BCL2: variants seen among roughly 807,000 people sequenced by gnomAD.
BCL2 encodes the protein BCL2 apoptosis regulator.
In BCL2, 1 loss-of-function variant was observed where a neutral mutation model predicts 14.2. The observed-to-expected ratio is 0.07, with a 90% CI of 0.02 to 0.33. The LOEUF (loss-of-function observed/expected upper bound fraction) is 0.33, where lower values mean the gene tolerates loss of function less well. Among genes scored for constraint, BCL2 ranks in the 10% least tolerant of loss-of-function variants. The pLI, the probability that BCL2 is intolerant of heterozygous loss-of-function variation, is 0.99. For missense variants in BCL2, 247 were observed against 305.9 expected (o/e 0.81, Z 1.44); for synonymous variants, 151 against 137.2 (o/e 1.10, Z -0.70).
chr18:63,252,669 C>T (rs757583557), intron 2 of BCL2, among the ~76,000 whole-genome samples: 31 of 152,334 alleles, frequency 2.0e-4, no homozygotes, highest in African/African-American at 3.8e-4. Flanking sequence ...TTGTCTGCCA[C>T]GTGAGATGTG....
intron 2 of BCL2, among the ~76,000 whole-genome samples, chr18:63,284,322 G>C (rs947374478): frequency 7.2e-5 from 11 of 152,144 alleles, no homozygotes; most frequent in Non-Finnish European, 1.5e-4. Flanking sequence ...CCACTAAGAA[G>C]TCTAAGAATA....
intron 2 of BCL2, among the ~76,000 whole-genome samples, chr18:63,274,442 G>A (rs903946549): frequency 2.0e-5 from 3 of 151,644 alleles, no homozygotes; most frequent in African/African-American, 7.3e-5. Context: ...CCGCTACCAT[G>A]CCCGGGTAAT....
At chr18:63,138,792 CA>C (rs1914278345) in intron 2 of BCL2, among the ~76,000 whole-genome samples, 1 of 152,198 alleles carries the variant, frequency 6.6e-6, no homozygotes. Context: ...AAAACAAAAA[CA>C]AAACTTGCCC....
intron 2 of BCL2, among the ~76,000 whole-genome samples, chr18:63,211,425 C>T (rs755292967): frequency 2.0e-5 from 3 of 152,174 alleles, no homozygotes; most frequent in Non-Finnish European, 4.4e-5. Flanking sequence ...CTTGTTTTCT[C>T]TCGACTCAAA....
chr18:63,266,283 G>C (rs992473606), intron 2 of BCL2, among the ~76,000 whole-genome samples: 6 of 151,554 alleles, frequency 4.0e-5, no homozygotes, highest in African/African-American at 1.5e-4. Context: ...CAAGCCCCAA[G>C]GTATACTGTT....
chr18:63,228,586 TACTG>T (rs1910608041), intron 2 of BCL2, among the ~76,000 whole-genome samples: 1 of 152,262 alleles, frequency 6.6e-6, no homozygotes, highest in Non-Finnish European at 1.5e-5. Flanking sequence ...ATTTGTTCAC[TACTG>T]TATCTCCAGT....
chr18:63,173,976 C>T (rs1018452932), intron 2 of BCL2, among the ~76,000 whole-genome samples: 2 of 151,978 alleles, frequency 1.3e-5, no homozygotes, highest in African/African-American at 4.8e-5. Context: ...GGAATGAGGC[C>T]CATGGCTTTG....
intron 2 of BCL2, among the ~76,000 whole-genome samples, chr18:63,312,889 T>C (rs1050762134): frequency 1.3e-5 from 2 of 152,238 alleles, no homozygotes; most frequent in African/African-American, 4.8e-5. Context: ...TTAGTATGCA[T>C]AAATAGTGCT....
chr18:63,194,714 A>T (rs1909395976), intron 2 of BCL2, among the ~76,000 whole-genome samples: 1 of 152,230 alleles, frequency 6.6e-6, no homozygotes, highest in South Asian at 2.1e-4. Context: ...ATTAAGTATA[A>T]AAACCATCTA....
intron 2 of BCL2, among the ~76,000 whole-genome samples, chr18:63,249,212 T>C (rs1334108757): frequency 6.6e-6 from 1 of 152,192 alleles, no homozygotes; most frequent in African/African-American, 2.4e-5. Context: ...GAACATTACC[T>C]CAAAATAGTT....
At chr18:63,170,390 T>C (rs1363849097) in intron 2 of BCL2, among the ~76,000 whole-genome samples, 1 of 152,174 alleles carries the variant, frequency 6.6e-6, no homozygotes, top group Admixed American at 6.5e-5. Flanking sequence ...TAGTCAGTGT[T>C]CAATGTTAGC....
intron 2 of BCL2, among the ~76,000 whole-genome samples, chr18:63,219,242 C>A (rs1192948316): frequency 6.6e-6 from 1 of 152,136 alleles, no homozygotes; most frequent in Non-Finnish European, 1.5e-5. Context: ...CTTCTCTCAC[C>A]TCAGTCCTAG....
At chr18:63,141,147 G>T (rs139066621) in intron 2 of BCL2, among the ~76,000 whole-genome samples, 7 of 152,164 alleles carry the variant, frequency 4.6e-5, no homozygotes, top group African/African-American at 1.4e-4. Context: ...AAACTCCGCC[G>T]TAGCGAACCT....
chr18:63,152,521 T>A (rs1914674584), intron 2 of BCL2, among the ~76,000 whole-genome samples: 1 of 152,234 alleles, frequency 6.6e-6, no homozygotes, highest in African/African-American at 2.4e-5. Context: ...CTAAGTCAAG[T>A]CTGGTGAGGG....
At chr18:63,164,440 G>T (rs1467115955) in intron 2 of BCL2, among the ~76,000 whole-genome samples, 1 of 152,190 alleles carries the variant, frequency 6.6e-6, no homozygotes, top group Non-Finnish European at 1.5e-5. Flanking sequence ...CATCCTGGTG[G>T]TCAAATCACG....
intron 2 of BCL2, chr18:63,314,321 T>C (rs1913427270): frequency 6.6e-6 from 1 of 152,240 alleles, no homozygotes; most frequent in South Asian, 2.1e-4. Flanking sequence ...ATTTGTACAC[T>C]GGCATGAGAA....
intron 2 of BCL2, among the ~76,000 whole-genome samples, chr18:63,247,275 T>A (rs1244189498): frequency 6.6e-6 from 1 of 151,728 alleles, no homozygotes; most frequent in Non-Finnish European, 1.5e-5. Context: ...CTCGGCTCAC[T>A]GCAACCTCCC....
chr18:63,285,975 C>T (rs1186143951), intron 2 of BCL2, among the ~76,000 whole-genome samples: 1 of 152,236 alleles, frequency 6.6e-6, no homozygotes, highest in Non-Finnish European at 1.5e-5. Flanking sequence ...CTTTCTGCAA[C>T]AGCAGCCTGG....
intron 2 of BCL2, chr18:63,317,448 T>G: frequency 1.3e-6 from 1 of 766,874 alleles, no homozygotes; most frequent in Non-Finnish European, 1.6e-6. Context: ...TGGCACACAC[T>G]GGAGATTCCA....
Sources: allele counts gnomAD v4.1 joint callset (sites outside exome capture counted in the v4.1 genomes callset), GRCh38; gene constraint gnomAD v4.1.1; transcripts MANE v1.5; gene names NCBI Gene and HGNC (gene_info 2026-07-23, HGNC 2026-07-21).